The following GPATCH8 variants were observed in gnomAD, a reference collection of about 807,000 sequenced individuals.
The protein encoded by GPATCH8 is G patch domain-containing protein 8.
In GPATCH8, 18 loss-of-function variants were observed where a neutral mutation model predicts 118.3. The ratio of observed to expected loss-of-function variants is 0.15; its 90% CI spans 0.11 to 0.23. The LOEUF is 0.23. GPATCH8 is among the 10% of genes least tolerant of loss of function. The pLI, the probability that GPATCH8 is intolerant of heterozygous loss-of-function variation, is 1.00. For synonymous variants in GPATCH8, 659 were observed against 684.7 expected (o/e 0.96, Z 0.59); for missense variants, 1,631 against 1,873.8 (o/e 0.87, Z 2.39).
At chr17:44,435,640 C>T (rs1414093669) in intron 4 of GPATCH8, among the ~76,000 whole-genome samples, 1 of 148,814 alleles carries the variant, frequency 6.7e-6, no homozygotes, top group Non-Finnish European at 1.5e-5. Context: ...TGATCTTGAA[C>T]TCCTCACCTC....
At chr17:44,433,563 T>A (rs948685236) in intron 5 of GPATCH8, among the ~76,000 whole-genome samples, 1 of 152,084 alleles carries the variant, frequency 6.6e-6, no homozygotes, top group African/African-American at 2.4e-5. Flanking sequence ...TTAGGGAAGA[T>A]CTATAATGAG....
At chr17:44,473,202 T>A (rs1209429669) in intron 2 of GPATCH8, 1 of 151,610 alleles carries the variant, frequency 6.6e-6, no homozygotes, top group Non-Finnish European at 1.5e-5. Flanking sequence ...AGGCACGATC[T>A]TGGCTCACTG....
intron 6 of GPATCH8, among the ~76,000 whole-genome samples, chr17:44,406,579 G>A (rs1217646656): frequency 7.1e-6 from 1 of 141,802 alleles, no homozygotes; most frequent in Non-Finnish European, 1.5e-5. Flanking sequence ...TTTTCTTTCA[G>A]CATGAGTAGA....
At chr17:44,434,442 G>A (rs569166760) in intron 5 of GPATCH8, among the ~76,000 whole-genome samples, 3 of 152,254 alleles carry the variant, frequency 2.0e-5, no homozygotes, top group African/African-American at 4.8e-5. Context: ...GGTGACTTAC[G>A]CCTGAAATCC....
chr17:44,479,415 GA>G (rs1191054039), intron 1 of GPATCH8, among the ~76,000 whole-genome samples: 16 of 152,048 alleles, frequency 1.1e-4, no homozygotes, highest in African/African-American at 3.4e-4. Flanking sequence ...TACAAATCAG[GA>G]TTAATAATAT....
chr17:44,454,762 C>T (rs192018766), intron 3 of GPATCH8, among the ~76,000 whole-genome samples: 79 of 152,280 alleles, frequency 5.2e-4, no homozygotes, highest in African/African-American at 1.9e-3. Flanking sequence ...TAACCTCTTA[C>T]CTTAGACTGC....
At chr17:44,466,954 GAAAACTC>G (rs1386953854) in intron 2 of GPATCH8, 1 of 281,704 alleles carries the variant, frequency 3.5e-6, no homozygotes, top group Non-Finnish European at 7.5e-6. Context: ...CTTTTTTAAA[GAAAACTC>G]AATCTTTGGC....
At chr17:44,416,978 G>A (rs992122615) in intron 6 of GPATCH8, among the ~76,000 whole-genome samples, 3 of 152,068 alleles carry the variant, frequency 2.0e-5, no homozygotes, top group African/African-American at 4.8e-5. Context: ...GAAAGAAGAG[G>A]GAGGCTAAAA....
chr17:44,398,236 T>C lies in GPATCH8; in HGVS notation c.3841A>G (p.Ser1281Gly). 1.2e-6 allele frequency: 2 copies of C among 1,612,836 alleles called. No homozygotes were observed. Among genetic ancestry groups the C allele is most frequent in the Non-Finnish European group, 1.7e-6 (2 of 1,179,146 alleles). ...PIAPDLEHFP[S>G]YAPPSGDPSI... ...GGATCCCCACTGGGAGGTGCATAACTGGGGAAATGCTCAAGGTCTGGTGCT... is the reference window on the plus strand; with the variant it reads ...GGATCCCCACTGGGAGGTGCATAACCGGGGAAATGCTCAAGGTCTGGTGCT... Residue 1281 changes from serine to glycine, a missense_variant, in exon 8 of 8, where the codon AGT becomes GGT. By Grantham distance (56) the Ser-to-Gly change is moderately conservative (BLOSUM62 0). Coordinates refer to ENST00000591680, the MANE Select transcript of GPATCH8 (RefSeq NM_001002909.4).
intron 3 of GPATCH8, among the ~76,000 whole-genome samples, chr17:44,446,439 C>G (rs1278621595): frequency 1.3e-5 from 2 of 152,166 alleles, no homozygotes; most frequent in African/African-American, 4.8e-5. Flanking sequence ...GTGGCAGGCG[C>G]CTGTAGTCCC....
intron 2 of GPATCH8, among the ~76,000 whole-genome samples, chr17:44,471,585 T>C (rs978760845): frequency 6.6e-6 from 1 of 152,196 alleles, no homozygotes; most frequent in Non-Finnish European, 1.5e-5. Flanking sequence ...TTGAGTTGCA[T>C]GCTGTAGCAA....
chr17:44,427,116 G>C (rs2050118570), intron 5 of GPATCH8, among the ~76,000 whole-genome samples: 1 of 150,950 alleles, frequency 6.6e-6, no homozygotes, highest in South Asian at 2.1e-4. Context: ...TGCTCTATTG[G>C]CCAGACTGGA....
chr17:44,418,518 G>A (rs1007182239), intron 6 of GPATCH8, among the ~76,000 whole-genome samples: 1 of 149,434 alleles, frequency 6.7e-6, no homozygotes, highest in African/African-American at 2.5e-5. Flanking sequence ...GCAGTGGCAT[G>A]ATCTTGGCTC....
rs1440220096 is a variant in GPATCH8, at chr17:44,399,507, C to A, written c.2570G>T (p.Gly857Val). 6.2e-7 allele frequency: 1 copy of A among 1,614,112 alleles called. No homozygotes were observed. Residue 857 changes from glycine (G) to valine (V), a missense_variant, in exon 8 of 8, where the codon GGC (glycine) becomes GTC (valine). Gly to Val is a moderately radical substitution (Grantham distance 109). Transcript: ENST00000591680. Reference protein sequence around the residue: ...SEHSRSRSRSGRRHSSHRSSR... With the variant: ...SEHSRSRSRSVRRHSSHRSSR... ...GGAACGATGCGAGGAATGGCGCCGG[C>A]CAGACCTTGAGCGGCTGCGGGAATG...
chr17:44,423,783 G>T (rs1341885638), intron 6 of GPATCH8, among the ~76,000 whole-genome samples: 1 of 152,142 alleles, frequency 6.6e-6, no homozygotes, highest in Non-Finnish European at 1.5e-5. Flanking sequence ...AGGGGGCAAA[G>T]ACTGCAAAGT....
chr17:44,496,064 T>C (rs1314768150), intron 1 of GPATCH8, among the ~76,000 whole-genome samples: 1 of 152,172 alleles, frequency 6.6e-6, no homozygotes, highest in Non-Finnish European at 1.5e-5. Context: ...AGATGGGTTT[T>C]CACCATGTTG....
At chr17:44,442,824 TC>T (rs2050748437) in intron 3 of GPATCH8, among the ~76,000 whole-genome samples, 1 of 151,048 alleles carries the variant, frequency 6.6e-6, no homozygotes. Context: ...ACGCCTGTAA[TC>T]CCAGCACTTG....
chr17:44,406,507 G>GGT (rs2049236587), intron 6 of GPATCH8, among the ~76,000 whole-genome samples: 3 of 51,498 alleles, frequency 5.8e-5, no homozygotes, highest in South Asian at 1.9e-3. Context: ...GGGGGGGGGG[G>GGT]GTTATTTAAA....
chr17:44,498,580 T>C (rs371778264), intron 1 of GPATCH8, among the ~76,000 whole-genome samples: 15 of 152,368 alleles, frequency 9.8e-5, no homozygotes, highest in Middle Eastern at 3.4e-3. Flanking sequence ...CAATATCATT[T>C]TGCATTTGCT....
Sources: allele counts gnomAD v4.1 joint callset (sites outside exome capture counted in the v4.1 genomes callset), GRCh38; gene constraint gnomAD v4.1.1; transcripts MANE v1.5; gene names NCBI Gene and HGNC (gene_info 2026-07-23, HGNC 2026-07-21).